Variants in DUSP13B observed in about 807,000 individuals in gnomAD.
DUSP13B encodes dual specificity protein phosphatase 13B.
the DUSP13B span, chr10:75,107,984 A>G: frequency 1.3e-5 from 21 of 1,608,262 alleles, no homozygotes; most frequent in South Asian, 2.3e-4. Context: ...TTGGACCCCA[A>G]GTCCTACCCC....
chr10:75,102,200 G>C, the DUSP13B span, among the ~76,000 whole-genome samples: 16 of 152,190 alleles, frequency 1.1e-4, no homozygotes, highest in African/African-American at 3.9e-4. Context: ...GAAGGGGCCG[G>C]GCGCGGTGGC....
chr10:75,094,686 C>T, the DUSP13B span: 1 of 1,613,900 alleles, frequency 6.2e-7, no homozygotes, highest in Non-Finnish European at 8.5e-7. Flanking sequence ...TCAGAACCGC[C>T]CCGTCTCCCG....
chr10:75,094,585 T>C, the DUSP13B span: 4 of 1,434,836 alleles, frequency 2.8e-6, no homozygotes, highest in South Asian at 3.9e-5. Context: ...TGTTTACATC[T>C]CAGGGTCACT....
chr10:75,104,169 A>G, the DUSP13B span: 1 of 1,140,684 alleles, frequency 8.8e-7, no homozygotes, highest in Non-Finnish European at 1.2e-6. Context: ...TTGTTGGGGC[A>G]GGGATAAGAG....
chr10:75,096,342 T>C, the DUSP13B span, among the ~76,000 whole-genome samples: 1 of 151,728 alleles, frequency 6.6e-6, no homozygotes, highest in Non-Finnish European at 1.5e-5. Context: ...TTTGGGAGAC[T>C]AAGGCGGGAG....
chr10:75,109,103 G>T, the DUSP13B span: 9 of 1,611,908 alleles, frequency 5.6e-6, no homozygotes, highest in Non-Finnish European at 7.6e-6. Context: ...AGGATGCTGG[G>T]GCAAGGCGTG....
At chr10:75,109,129 C>T in the DUSP13B span, 4 of 1,606,358 alleles carry the variant, frequency 2.5e-6, no homozygotes, top group African/African-American at 2.7e-5. Context: ...GTCCTCTCCC[C>T]CCAGCTCTGG....
chr10:75,095,365 A>G, the DUSP13B span, among the ~76,000 whole-genome samples: 2 of 152,126 alleles, frequency 1.3e-5, no homozygotes, highest in Admixed American at 6.5e-5. Flanking sequence ...TGATGACCAC[A>G]CTGCATCTTA....
At chr10:75,108,299 G>GGCT in the DUSP13B span, 97 of 1,502,424 alleles carry the variant, frequency 6.5e-5, 1 homozygote, top group South Asian at 1.2e-3. Flanking sequence ...GAGGGACCGA[G>GGCT]CCATTAGGGT....
the DUSP13B span, among the ~76,000 whole-genome samples, chr10:75,108,670 G>T: frequency 7.2e-5 from 11 of 152,196 alleles, no homozygotes; most frequent in Non-Finnish European, 1.3e-4. Flanking sequence ...GGGAGGCTGG[G>T]CCCAGAAACA....
At chr10:75,108,916 C>T in the DUSP13B span, 5 of 1,484,550 alleles carry the variant, frequency 3.4e-6, no homozygotes, top group Non-Finnish European at 3.6e-6. Context: ...AGAGCTATTT[C>T]TCCTTGTTTC....
At chr10:75,107,846 G>A in the DUSP13B span, 2 of 1,034,316 alleles carry the variant, frequency 1.9e-6, no homozygotes, top group African/African-American at 1.6e-5. Flanking sequence ...CAAAGTGCTA[G>A]GATTACAAGC....
chr10:75,109,048 C>G, the DUSP13B span: 28 of 1,611,424 alleles, frequency 1.7e-5, no homozygotes, highest in Middle Eastern at 1.6e-4. Flanking sequence ...TTCGTCCACA[C>G]GGCTGCAAGA....
the DUSP13B span, among the ~76,000 whole-genome samples, chr10:75,096,571 C>T: frequency 1.7e-4 from 24 of 143,442 alleles, no homozygotes; most frequent in South Asian, 2.2e-4. Flanking sequence ...AGTGAGACCC[C>T]GCCTCAAAAA....
At chr10:75,100,675 C>T in the DUSP13B span, among the ~76,000 whole-genome samples, 9 of 152,334 alleles carry the variant, frequency 5.9e-5, no homozygotes, top group South Asian at 1.9e-3. Context: ...CTCCTCGCCC[C>T]CTTCCTGCCT....
chr10:75,099,565 C>T, the DUSP13B span: 85 of 1,228,874 alleles, frequency 6.9e-5, 1 homozygote, highest in South Asian at 1.2e-3. Flanking sequence ...CTGGCTGGGG[C>T]GCCCATGGGG....
chr10:75,103,705 A>G, the DUSP13B span, among the ~76,000 whole-genome samples: 3 of 152,172 alleles, frequency 2.0e-5, no homozygotes, highest in Non-Finnish European at 2.9e-5. Context: ...AGCTCCAGGG[A>G]GCTAAGGCTC....
chr10:75,102,882 G>A, the DUSP13B span, among the ~76,000 whole-genome samples: 3 of 152,168 alleles, frequency 2.0e-5, no homozygotes, highest in Admixed American at 6.5e-5. Context: ...AACCCGGGAG[G>A]TGGGGGTTGT....
the DUSP13B span, among the ~76,000 whole-genome samples, chr10:75,100,059 T>C: frequency 6.6e-6 from 1 of 151,912 alleles, no homozygotes; most frequent in African/African-American, 2.4e-5. Context: ...GATGGGGCTT[T>C]GGGAAGTGGG....
Sources: allele counts gnomAD v4.1 joint callset (sites outside exome capture counted in the v4.1 genomes callset), GRCh38; gene constraint gnomAD v4.1.1; transcripts MANE v1.5; gene names NCBI Gene and HGNC (gene_info 2026-07-23, HGNC 2026-07-21).